The following NDST4 variants were observed in gnomAD, a reference collection of about 807,000 sequenced individuals.
NDST4 encodes N-deacetylase and N-sulfotransferase 4.
In NDST4, 63 loss-of-function variants were observed where a neutral mutation model predicts 100.8. That is an observed-to-expected ratio of 0.62 (90% CI 0.51 to 0.77). The LOEUF is 0.77. Ranked by LOEUF, NDST4 falls within the 30% of genes least tolerant of loss-of-function variation. The pLI, the probability that NDST4 is intolerant of heterozygous loss-of-function variation, is 0.00. For missense variants in NDST4, 943 were observed against 1,018.4 expected (o/e 0.93, Z 1.01); for synonymous variants, 377 against 361.8 (o/e 1.04, Z -0.48).
chr4:115,069,594 A>G (rs1209632307), intron 2 of NDST4, among the ~76,000 whole-genome samples: 2 of 152,306 alleles, frequency 1.3e-5, no homozygotes, highest in East Asian at 3.9e-4. Flanking sequence ...AATCAAAACC[A>G]CAATGAGATA....
intron 6 of NDST4, among the ~76,000 whole-genome samples, chr4:114,914,877 T>A (rs2126216480): frequency 6.6e-6 from 1 of 152,244 alleles, no homozygotes; most frequent in Middle Eastern, 3.4e-3. Flanking sequence ...TTACTCGTGC[T>A]ATCGCCAGGC....
At chr4:115,072,931 G>A (rs771874970) in intron 2 of NDST4, among the ~76,000 whole-genome samples, 2 of 151,944 alleles carry the variant, frequency 1.3e-5, no homozygotes, top group Non-Finnish European at 2.9e-5. Flanking sequence ...TATACATCTG[G>A]TAAGAGGTAA....
At chr4:114,986,793 C>CATATGTGTATAT (rs1218840726) in intron 2 of NDST4, among the ~76,000 whole-genome samples, 5 of 91,140 alleles carry the variant, frequency 5.5e-5, no homozygotes, top group African/African-American at 2.3e-4. Flanking sequence ...TCCAATTATA[C>CATATGTGTATAT]ATATATATAT....
chr4:114,993,839 GT>G (rs912827352), intron 2 of NDST4, among the ~76,000 whole-genome samples: 5 of 151,820 alleles, frequency 3.3e-5, no homozygotes, highest in African/African-American at 7.2e-5. Context: ...TGGGAATTTT[GT>G]TTTTATTCAT....
At chr4:114,998,634 G>T (rs1230899119) in intron 2 of NDST4, among the ~76,000 whole-genome samples, 1 of 152,068 alleles carries the variant, frequency 6.6e-6, no homozygotes, top group Non-Finnish European at 1.5e-5. Flanking sequence ...TCATCAAAGT[G>T]ACATTGCTGA....
At chr4:114,953,050 G>A (rs988056085) in intron 4 of NDST4, among the ~76,000 whole-genome samples, 1 of 148,058 alleles carries the variant, frequency 6.8e-6, no homozygotes, top group African/African-American at 2.5e-5. Flanking sequence ...TTTTTTGTGG[G>A]AAGGCCTTGT....
chr4:114,845,329 C>A (rs1723521004), intron 10 of NDST4, among the ~76,000 whole-genome samples: 1 of 152,086 alleles, frequency 6.6e-6, no homozygotes, highest in Admixed American at 6.5e-5. Flanking sequence ...GAGACCTGGT[C>A]TCCAATTGGG....
At chr4:114,886,234 T>A (rs1036233746) in intron 6 of NDST4, among the ~76,000 whole-genome samples, 2 of 152,112 alleles carry the variant, frequency 1.3e-5, no homozygotes, top group African/African-American at 4.8e-5. Flanking sequence ...AAGAAAGTAT[T>A]TGAAAAATAT....
In NDST4 at chr4:114,986,832, A is replaced by ATATTTTT; in HGVS notation, c.979-9559_979-9558insAAAAATA. Among the ~76,000 whole-genome samples the ATATTTTT allele has an allele frequency of 3.3e-4, 31 of 94,642 alleles. 1 individual carries two copies. Among genetic ancestry groups the ATATTTTT allele is most frequent in the African/African-American group, 9.3e-4 (25 of 27,000 alleles). 62.1% of individuals were successfully genotyped at this position (94,642 alleles called of 152,430 possible). On this transcript the variant is annotated intron_variant, in intron 2 of 13. Coordinates refer to ENST00000264363, the MANE Select transcript of NDST4 (RefSeq NM_022569.3). ...TATATATATATATATATATATATAT[A>ATATTTTT]TTTTAATATACTATTCCTATAAGCT...
At chr4:115,098,468 G>T (rs1210473333) in intron 1 of NDST4, among the ~76,000 whole-genome samples, 1 of 151,986 alleles carries the variant, frequency 6.6e-6, no homozygotes, top group South Asian at 2.1e-4. Flanking sequence ...ATGAAAATAT[G>T]GATTAAAAAG....
intron 6 of NDST4, among the ~76,000 whole-genome samples, chr4:114,911,841 C>T (rs1725070070): frequency 6.6e-6 from 1 of 152,064 alleles, no homozygotes. Context: ...GTTTTTATAG[C>T]CCCTGTTTCT....
At chr4:115,064,859 TA>T (rs906113316) in intron 2 of NDST4, among the ~76,000 whole-genome samples, 1 of 152,184 alleles carries the variant, frequency 6.6e-6, no homozygotes, top group African/African-American at 2.4e-5. Flanking sequence ...TGATGATTTC[TA>T]AATGTACACT....
intron 4 of NDST4, among the ~76,000 whole-genome samples, chr4:114,947,142 C>T (rs1460308948): frequency 1.3e-5 from 2 of 152,032 alleles, no homozygotes; most frequent in Admixed American, 6.6e-5. Flanking sequence ...CCCTTGGGGT[C>T]TATGGCCAGG....
At chr4:115,059,003 A>ACG (rs1728760023) in intron 2 of NDST4, among the ~76,000 whole-genome samples, 1 of 151,396 alleles carries the variant, frequency 6.6e-6, no homozygotes, top group Admixed American at 6.6e-5. Flanking sequence ...ACACACACAC[A>ACG]CGCTCAAAAT....
intron 2 of NDST4, among the ~76,000 whole-genome samples, chr4:115,071,168 C>T (rs895438420): frequency 1.3e-5 from 2 of 151,708 alleles, no homozygotes; most frequent in Non-Finnish European, 2.9e-5. Flanking sequence ...AACTCGTATT[C>T]TTTTCAATAC....
intron 1 of NDST4, among the ~76,000 whole-genome samples, chr4:115,083,799 AC>A (rs1729350312): frequency 6.6e-6 from 1 of 152,086 alleles, no homozygotes; most frequent in Non-Finnish European, 1.5e-5. Flanking sequence ...GTGAAGAGGT[AC>A]CTTCTGCCAT....
intron 6 of NDST4, among the ~76,000 whole-genome samples, chr4:114,898,276 T>A (rs60587348): frequency 0.074 from 11,318 of 152,242 alleles, 530 homozygotes; most frequent in East Asian, 0.15. Context: ...TTTTATTTGA[T>A]GTGCAGTTGC....
chr4:115,083,123 T>C (rs1368908527), intron 1 of NDST4, among the ~76,000 whole-genome samples: 15 of 152,142 alleles, frequency 9.9e-5, no homozygotes, highest in East Asian at 1.9e-4. Context: ...AATTAGCTCA[T>C]ATTTTATATT....
At chr4:114,904,565 A>AT (rs1157589328) in intron 6 of NDST4, among the ~76,000 whole-genome samples, 1 of 151,924 alleles carries the variant, frequency 6.6e-6, no homozygotes, top group African/African-American at 2.4e-5. Context: ...CCTGAAACTT[A>AT]TTTTTGACAA....
Sources: allele counts gnomAD v4.1 joint callset (sites outside exome capture counted in the v4.1 genomes callset), GRCh38; gene constraint gnomAD v4.1.1; transcripts MANE v1.5; gene names NCBI Gene and HGNC (gene_info 2026-07-23, HGNC 2026-07-21).